The following PCLO variants were observed in gnomAD, a reference collection of about 807,000 sequenced individuals.
PCLO encodes the protein protein piccolo.
PCLO carries 82 observed loss-of-function variants against 427.5 expected under a neutral mutation model. The observed-to-expected ratio is 0.19, with a 90% CI of 0.16 to 0.23. PCLO has a LOEUF of 0.23. PCLO is among the 10% of genes least tolerant of loss of function. The pLI is 1.00. For synonymous variants in PCLO, 2,357 were observed against 2,155.4 expected (o/e 1.09, Z -2.59); for missense variants, 6,239 against 6,115.9 (o/e 1.02, Z -0.67).
chr7:83,125,218 G>A (rs1444634328), intron 3 of PCLO, among the ~76,000 whole-genome samples: 4 of 151,302 alleles, frequency 2.6e-5, no homozygotes, highest in Non-Finnish European at 5.9e-5. Flanking sequence ...GCCGCCCATT[G>A]TCTGGGATGT....
chr7:82,826,675 T>C lies in PCLO; in HGVS notation c.14344-15A>G, dbSNP rs775884691. The C allele has an allele frequency of 5.3e-6, 8 of 1,508,132 alleles. No individual in the cohort carries two copies. In the Admixed American group the frequency reaches 1.2e-4, roughly 23 times the overall value. 93.4% of individuals were successfully genotyped at this position (1,508,132 alleles called of 1,614,324 possible). On this transcript the variant is annotated splice_polypyrimidine_tract_variant and intron_variant, in intron 17 of 24. Coordinates refer to ENST00000333891, the MANE Select transcript of PCLO (RefSeq NM_033026.6). ...TTCTTCTTGAGCTATATAGTTCAAA[T>C]AGAAATCTAATTAAACCTATCTTTC... is the stretch of plus-strand genomic sequence containing the variant.
At chr7:82,861,885 TAAAGAA>T (rs930504187) in intron 10 of PCLO, among the ~76,000 whole-genome samples, 5 of 151,948 alleles carry the variant, frequency 3.3e-5, no homozygotes, top group African/African-American at 1.2e-4. Context: ...AGTGGATCAA[TAAAGAA>T]ATTTAGAAAT....
At chr7:82,880,980 A>G (rs1189674053) in intron 9 of PCLO, among the ~76,000 whole-genome samples, 1 of 152,176 alleles carries the variant, frequency 6.6e-6, no homozygotes, top group East Asian at 1.9e-4. Context: ...CTTCTATTTG[A>G]ATATCTTTAA....
intron 22 of PCLO, among the ~76,000 whole-genome samples, chr7:82,780,401 AT>A (rs1790847222): frequency 6.6e-6 from 1 of 152,214 alleles, no homozygotes; most frequent in African/African-American, 2.4e-5. Context: ...AAAACCTGCT[AT>A]CAATTTTCAG....
At chr7:82,963,025 T>G (rs1401188023) in intron 4 of PCLO, among the ~76,000 whole-genome samples, 1 of 152,002 alleles carries the variant, frequency 6.6e-6, no homozygotes, top group Non-Finnish European at 1.5e-5. Flanking sequence ...ATTGCAAGTG[T>G]TTTTCAGTAA....
intron 2 of PCLO, among the ~76,000 whole-genome samples, chr7:83,136,288 G>GTT (rs1473351021): frequency 2.0e-5 from 3 of 152,016 alleles, no homozygotes; most frequent in Non-Finnish European, 4.4e-5. Flanking sequence ...GAAAAAGCAA[G>GTT]TTTTATGTGT....
At chr7:82,876,489 T>G (rs62461400) in intron 10 of PCLO, among the ~76,000 whole-genome samples, 3 of 88,498 alleles carry the variant, frequency 3.4e-5, no homozygotes, top group African/African-American at 1.1e-4. Flanking sequence ...CACACACACA[T>G]ACACCACACA....
At chr7:82,994,244 A>C (rs1443709957) in intron 3 of PCLO, among the ~76,000 whole-genome samples, 2 of 152,006 alleles carry the variant, frequency 1.3e-5, no homozygotes, top group Non-Finnish European at 2.9e-5. Context: ...ACAGTGAACA[A>C]ACAGATACAA....
intron 13 of PCLO, 50 bp downstream of exon 13, chr7:82,845,221 A>G (rs1792467473): frequency 8.1e-7 from 1 of 1,239,236 alleles, no homozygotes; most frequent in East Asian, 2.3e-5. Flanking sequence ...TCTATGCTGA[A>G]TAAAGAGCTA....
chr7:82,920,621 C>T lies in PCLO; in HGVS notation c.11113-3748G>A, dbSNP rs534925776. Reference sequence around the variant, plus strand: ...AACCTTCAGGATAAGGTTTGCTGTCCAAAGTAATTTTAAAGAACATTTTCC... The same window carrying T: ...AACCTTCAGGATAAGGTTTGCTGTCTAAAGTAATTTTAAAGAACATTTTCC... On this transcript the variant is annotated intron_variant, in intron 6 of 24. Coordinates refer to ENST00000333891, the MANE Select transcript of PCLO (RefSeq NM_033026.6). 5.9e-5 allele frequency among the ~76,000 whole-genome samples: 9 copies of T among 151,680 alleles called. No individual in the cohort carries two copies. In the South Asian group the frequency reaches 1.9e-3, roughly 31 times the overall value.
At chr7:83,093,487 TA>T (rs1438463612) in intron 3 of PCLO, among the ~76,000 whole-genome samples, 11 of 104,562 alleles carry the variant, frequency 1.1e-4, no homozygotes, top group East Asian at 9.3e-4. Context: ...GATATATATA[TA>T]TATATTTTTT....
chr7:82,991,834 C>T (rs960377635), intron 3 of PCLO, among the ~76,000 whole-genome samples: 1 of 152,096 alleles, frequency 6.6e-6, no homozygotes, highest in Non-Finnish European at 1.5e-5. Flanking sequence ...CCAACACCTG[C>T]TTAAATTAGT....
intron 3 of PCLO, among the ~76,000 whole-genome samples, chr7:83,018,508 G>A (rs1193627387): frequency 2.0e-5 from 3 of 151,810 alleles, no homozygotes; most frequent in Admixed American, 1.3e-4. Context: ...ATATTCTGTT[G>A]AAATAATTGT....
intron 10 of PCLO, among the ~76,000 whole-genome samples, chr7:82,847,907 G>A (rs1373284930): frequency 6.6e-6 from 1 of 152,088 alleles, no homozygotes; most frequent in Admixed American, 6.6e-5. Context: ...CTCTGCTGTT[G>A]TCATCTTGAC....
Position 82,935,482 on chromosome 7 carries a change from T to G in PCLO, c.11112+13994A>C, listed in dbSNP as rs181881810. Among the ~76,000 whole-genome samples the G allele has an allele frequency of 5.9e-5, 9 of 151,534 alleles. No homozygotes were observed. In the East Asian group the frequency reaches 1.2e-3, roughly 20 times the overall value. On this transcript the variant is annotated intron_variant, in intron 6 of 24. Transcript: ENST00000333891. ...TATTATATTAAGAATCAAATGCAATTATGTATGTTGCTTTTCACTCGGCAA... is the reference window on the plus strand; with the variant it reads ...TATTATATTAAGAATCAAATGCAATGATGTATGTTGCTTTTCACTCGGCAA...
intron 21 of PCLO, among the ~76,000 whole-genome samples, chr7:82,802,366 C>A (rs76695509): frequency 0.075 from 11,446 of 152,036 alleles, 555 homozygotes; most frequent in East Asian, 0.14. Flanking sequence ...CTCGTAGTAG[C>A]CTTAGAATTC....
Position 82,760,673 on chromosome 7 carries a change from C to T in PCLO, c.15254G>A (p.Arg5085Gln), listed in dbSNP as rs569045178. The stretch of plus-strand genomic sequence containing the variant: ...ATGTCCTGCAGGACTTAGACTGAAT[C>T]GAAAAGTTTCATTAAACGAAGGCTC... The part of the protein sequence containing the change: ...DREPSFNETF[R>Q]FSLSPAGHSL... The change falls in exon 24 of 25, where the codon CGA becomes CAA. Residue 5085 changes from arginine (R) to glutamine (Q), a missense_variant. Transcript: ENST00000333891. 3 of 1,605,874 alleles carry T rather than the reference C, an allele frequency of 1.9e-6. No homozygotes were observed. Among genetic ancestry groups the T allele is most frequent in the Non-Finnish European group, 2.6e-6 (3 of 1,175,962 alleles).
intron 6 of PCLO, among the ~76,000 whole-genome samples, chr7:82,928,312 G>C (rs1475127595): frequency 6.6e-6 from 1 of 152,104 alleles, no homozygotes; most frequent in Non-Finnish European, 1.5e-5. Context: ...TACTAAAAGG[G>C]TTAATGTAAT....
At chr7:82,961,762 C>T (rs1224440139) in intron 4 of PCLO, among the ~76,000 whole-genome samples, 1 of 152,164 alleles carries the variant, frequency 6.6e-6, no homozygotes, top group African/African-American at 2.4e-5. Flanking sequence ...AGAGAAGTTA[C>T]AGTGAGGCAA....
Sources: gnomAD v4.1 joint callset for allele counts (sites outside exome capture counted in the v4.1 genomes callset) on GRCh38, gnomAD v4.1.1 for gene constraint, MANE v1.5 for transcripts, NCBI Gene and HGNC (gene_info 2026-07-23, HGNC 2026-07-21) for gene names.